Variants in FILIP1L observed in about 807,000 individuals in gnomAD.
FILIP1L encodes the protein filamin A interacting protein 1 like.
FILIP1L carries 55 observed loss-of-function variants against 96.6 expected under a neutral mutation model. That is an observed-to-expected ratio of 0.57 (90% confidence interval 0.46 to 0.71). The LOEUF (loss-of-function observed/expected upper bound fraction) is 0.71, where lower values mean the gene tolerates loss of function less well. Among genes scored for constraint, FILIP1L ranks in the 30% least tolerant of loss-of-function variants. The pLI is 0.00. For missense variants in FILIP1L, 1,304 were observed against 1,321.2 expected, an observed-to-expected ratio of 0.99 and a Z score of 0.20; for synonymous variants, 467 against 473.9, an observed-to-expected ratio of 0.99 and a Z score of 0.19.
chr3:99,905,772 A>T (rs1468239362), intron 4 of FILIP1L, among the ~76,000 whole-genome samples: 1 of 152,204 alleles, frequency 6.6e-6, no homozygotes, highest in African/African-American at 2.4e-5. Flanking sequence ...TCTGTTTTGG[A>T]CTGCATGCAT....
chr3:99,855,308 A>C (rs1943908501), intron 4 of FILIP1L, among the ~76,000 whole-genome samples: 1 of 152,116 alleles, frequency 6.6e-6, no homozygotes, highest in Non-Finnish European at 1.5e-5. Context: ...CAGTAGCTAC[A>C]TTTTCATGCA....
chr3:100,071,521 G>T (rs1028816407), intron 1 of FILIP1L, among the ~76,000 whole-genome samples: 2 of 152,148 alleles, frequency 1.3e-5, no homozygotes, highest in African/African-American at 2.4e-5. Flanking sequence ...GGAGAAGGGT[G>T]GGGGGCAGAG....
chr3:99,891,928 CTAGAA>C (rs1409593613), intron 4 of FILIP1L, among the ~76,000 whole-genome samples: 1 of 152,144 alleles, frequency 6.6e-6, no homozygotes, highest in Non-Finnish European at 1.5e-5. Context: ...AGTCGGCTAT[CTAGAA>C]TAGCTATGAT....
At position 99,849,815 on chromosome 3, in the gene FILIP1L, C is replaced by G; in HGVS notation, c.1861G>C (p.Glu621Gln). Reference sequence around the variant, plus strand: ...GAGAGCTCCTTAATCTTATTGTTTTCTTGGTGTAATGCTGTTGTGGATTTC... The same window carrying G: ...GAGAGCTCCTTAATCTTATTGTTTTGTTGGTGTAATGCTGTTGTGGATTTC... Reference protein sequence around the residue: ...SGKSTTALHQENNKIKELSQE... With the variant: ...SGKSTTALHQQNNKIKELSQE... Residue 621 changes from glutamate (E) to glutamine (Q), a missense_variant, in exon 5 of 6, where the codon GAA becomes CAA. Coordinates refer to ENST00000477258, the MANE Select transcript of FILIP1L (RefSeq NM_001387850.1). 6.2e-7 allele frequency: 1 copy of G among 1,612,532 alleles called. No individual in the cohort carries two copies. The highest frequency in any genetic ancestry group is 8.5e-7 in the Non-Finnish European group (1 of 1,179,800).
chr3:99,891,137 G>A (rs1294401699), intron 4 of FILIP1L, among the ~76,000 whole-genome samples: 3 of 151,726 alleles, frequency 2.0e-5, no homozygotes, highest in Admixed American at 2.0e-4. Flanking sequence ...TACCTTCTCA[G>A]TGGAGTTTAT....
In FILIP1L at chr3:99,994,468, C is replaced by T. The variant is rs183309647; in HGVS notation, c.-10-63438G>A. ...CAGCAAATAGAAAATTCTCTGAGGTCGATCACATGTTAGGCCACAAAACAA... is the reference window on the plus strand; with the variant it reads ...CAGCAAATAGAAAATTCTCTGAGGTTGATCACATGTTAGGCCACAAAACAA... On this transcript the variant is annotated intron_variant, in intron 1 of 5. Transcript: ENST00000477258. 7.9e-5 allele frequency among the ~76,000 whole-genome samples: 12 copies of T among 152,164 alleles called. No homozygotes were observed. The East Asian group carries it at 1.7e-3, about 22-fold the overall frequency.
At chr3:99,863,248 A>G (rs903729743) in intron 4 of FILIP1L, among the ~76,000 whole-genome samples, 2 of 152,188 alleles carry the variant, frequency 1.3e-5, no homozygotes, top group African/African-American at 4.8e-5. Context: ...TCACACTCCT[A>G]TGAGAACCTA....
intron 1 of FILIP1L, among the ~76,000 whole-genome samples, chr3:99,934,447 T>C (rs937840835): frequency 3.9e-5 from 6 of 152,206 alleles, no homozygotes; most frequent in African/African-American, 1.4e-4. Flanking sequence ...TCATTTTACA[T>C]GATGAATTCC....
chr3:100,012,779 T>TTTTTTTTG (rs1710197030), intron 1 of FILIP1L, among the ~76,000 whole-genome samples: 1 of 134,766 alleles, frequency 7.4e-6, no homozygotes, highest in African/African-American at 2.7e-5. Flanking sequence ...TTTTTTTTTT[T>TTTTTTTTG]GGGTTGGGGG....
At chr3:100,093,553 C>T (rs528212259) in intron 1 of FILIP1L, among the ~76,000 whole-genome samples, 2 of 152,230 alleles carry the variant, frequency 1.3e-5, no homozygotes, top group South Asian at 2.1e-4. Flanking sequence ...ATTCCACATA[C>T]ACTTCAACCA....
chr3:99,922,015 A>G (rs1707140059), intron 4 of FILIP1L, among the ~76,000 whole-genome samples: 1 of 152,206 alleles, frequency 6.6e-6, no homozygotes, highest in Admixed American at 6.5e-5. Flanking sequence ...AGAGATACAC[A>G]GTGAATATCA....
chr3:99,874,987 A>G (rs954466727), intron 4 of FILIP1L, among the ~76,000 whole-genome samples: 17 of 152,198 alleles, frequency 1.1e-4, no homozygotes, highest in Admixed American at 1.3e-4. Context: ...ATGAATTCTG[A>G]GTTTGAATTG....
chr3:100,050,511 C>T (rs2065351618), intron 1 of FILIP1L, among the ~76,000 whole-genome samples: 1 of 151,934 alleles, frequency 6.6e-6, no homozygotes, highest in Admixed American at 6.6e-5. Flanking sequence ...TCTGTAAATT[C>T]CCACAATTTG....
intron 1 of FILIP1L, among the ~76,000 whole-genome samples, chr3:100,029,237 G>C (rs910529405): frequency 4.4e-4 from 66 of 151,606 alleles, no homozygotes; most frequent in African/African-American, 1.5e-3. Context: ...ATTTTCACAT[G>C]TATAAATAAA....
intron 1 of FILIP1L, among the ~76,000 whole-genome samples, chr3:99,953,531 T>C (rs918476071): frequency 6.6e-6 from 1 of 152,222 alleles, no homozygotes; most frequent in Non-Finnish European, 1.5e-5. Context: ...CATGCCACGT[T>C]GGACCATTTT....
chr3:99,856,297 A>G (rs1347226536), intron 4 of FILIP1L, among the ~76,000 whole-genome samples: 1 of 152,240 alleles, frequency 6.6e-6, no homozygotes, highest in Non-Finnish European at 1.5e-5. Flanking sequence ...TAGAACACAA[A>G]GAGTATAGGT....
chr3:99,981,494 T>A (rs1709122965), intron 1 of FILIP1L, among the ~76,000 whole-genome samples: 1 of 152,160 alleles, frequency 6.6e-6, no homozygotes, highest in African/African-American at 2.4e-5. Flanking sequence ...ACATGATAAA[T>A]GATACAATGA....
intron 4 of FILIP1L, among the ~76,000 whole-genome samples, chr3:99,908,283 A>G (rs1443271675): frequency 6.6e-6 from 1 of 152,244 alleles, no homozygotes. Context: ...TATATGTGGA[A>G]AAAGAGATGC....
At chr3:99,875,883 A>G (rs968663384) in intron 4 of FILIP1L, among the ~76,000 whole-genome samples, 4 of 152,258 alleles carry the variant, frequency 2.6e-5, no homozygotes, top group African/African-American at 9.6e-5. Context: ...TCCTCCAGAG[A>G]AAACTTCTAC....
Sources: gnomAD v4.1 joint callset for allele counts (sites outside exome capture counted in the v4.1 genomes callset) on GRCh38, gnomAD v4.1.1 for gene constraint, MANE v1.5 for transcripts, NCBI Gene and HGNC (gene_info 2026-07-23, HGNC 2026-07-21) for gene names.